The following FAM171B variants were observed in gnomAD, a reference collection of about 807,000 sequenced individuals.
FAM171B encodes the protein protein FAM171B.
In FAM171B, 19 loss-of-function variants were observed where a neutral mutation model predicts 75.6. The ratio of observed to expected loss-of-function variants is 0.25; its 90% CI spans 0.18 to 0.37. The LOEUF (loss-of-function observed/expected upper bound fraction) is 0.37. Among genes scored for constraint, FAM171B ranks in the 10% least tolerant of loss-of-function variants. FAM171B has a pLI of 1.00. For missense variants in FAM171B, 848 were observed against 982.4 expected, an observed-to-expected ratio of 0.86 and a Z score of 1.83; for synonymous variants, 367 against 361.7, an observed-to-expected ratio of 1.01 and a Z score of -0.17.
At chr2:186,714,370 A>T (rs1185171058) in intron 1 of FAM171B, among the ~76,000 whole-genome samples, 2 of 152,190 alleles carry the variant, frequency 1.3e-5, no homozygotes, top group African/African-American at 4.8e-5. Context: ...CACAAGTAAA[A>T]CAACACTTTA....
intron 1 of FAM171B, among the ~76,000 whole-genome samples, chr2:186,713,682 A>G (rs1389519908): frequency 6.6e-6 from 1 of 152,220 alleles, no homozygotes; most frequent in Non-Finnish European, 1.5e-5. Flanking sequence ...ATGTTTCTGT[A>G]GTAAGAAGTA....
At chr2:186,745,721 A>C (rs1158046515) in intron 3 of FAM171B, among the ~76,000 whole-genome samples, 1 of 152,196 alleles carries the variant, frequency 6.6e-6, no homozygotes, top group Non-Finnish European at 1.5e-5. Flanking sequence ...AAAATTTAGG[A>C]ATGTACAAAA....
At chr2:186,697,393 G>A (rs1470602) in intron 1 of FAM171B, among the ~76,000 whole-genome samples, 145,008 of 152,036 alleles carry the variant, frequency 0.95, 69,359 homozygotes, top group Middle Eastern at 1. Context: ...GATGCGTGCC[G>A]CTGGGCCCAG....
chr2:186,737,740 C>G (rs1325109321), intron 1 of FAM171B, among the ~76,000 whole-genome samples: 1 of 152,178 alleles, frequency 6.6e-6, no homozygotes, highest in African/African-American at 2.4e-5. Flanking sequence ...CTTCTGCTTT[C>G]CAGACAACAG....
intron 1 of FAM171B, among the ~76,000 whole-genome samples, chr2:186,701,334 T>C (rs1689657658): frequency 6.6e-6 from 1 of 152,236 alleles, no homozygotes; most frequent in South Asian, 2.1e-4. Context: ...CATCCTCTTA[T>C]GTAGTTACCT....
intron 1 of FAM171B, among the ~76,000 whole-genome samples, chr2:186,702,437 C>G (rs1689675763): frequency 6.6e-6 from 1 of 152,154 alleles, no homozygotes; most frequent in East Asian, 1.9e-4. Context: ...GAAAACAGCT[C>G]TGTTTGCTTT....
chr2:186,762,840 G>T lies in FAM171B; in HGVS notation c.*17G>T, dbSNP rs2595381. The T allele has an allele frequency of 1.3e-6, 2 of 1,596,644 alleles. No individual in the cohort carries two copies. The highest frequency in any genetic ancestry group is 8.5e-7 in the Non-Finnish European group (1 of 1,171,274). On this transcript the variant is annotated 3_prime_UTR_variant, in exon 8 of 8. Transcript: ENST00000304698. This position sits in a 1 kb window ranked among gnomAD's most constrained non-coding sequence, Gnocchi z 4.0. The stretch of plus-strand genomic sequence containing the variant: ...ATAAATTAACTCCAATGGGGATTGT[G>T]TGTCTGCTGTCTCGTGCTGTTTATT...
chr2:186,735,296 A>G (rs1007571188), intron 1 of FAM171B, among the ~76,000 whole-genome samples: 4 of 152,322 alleles, frequency 2.6e-5, no homozygotes, highest in African/African-American at 7.2e-5. Flanking sequence ...ATAGGGAGTC[A>G]AAGCTGTCCT....
chr2:186,758,139 G>A lies in FAM171B; in HGVS notation c.1013-2974G>A, dbSNP rs866747055. Reference sequence around the variant, plus strand: ...GTATAGCGAAAACTGAGTGCTTATCGTGAGCCAAGGACTGGTGTCAGTGTT... The same window carrying A: ...GTATAGCGAAAACTGAGTGCTTATCATGAGCCAAGGACTGGTGTCAGTGTT... On this transcript the variant is annotated intron_variant, in intron 6 of 7. Transcript: ENST00000304698. Among the ~76,000 whole-genome samples, 4 of 50,554 alleles carry A rather than the reference G, an allele frequency of 7.9e-5. No individual in the cohort carries two copies. The Admixed American group carries it at 8.0e-4, about 10-fold the overall frequency. 33.2% of individuals were successfully genotyped at this position (50,554 alleles called of 152,430 possible).
chr2:186,725,140 T>G (rs1017046890), intron 1 of FAM171B, among the ~76,000 whole-genome samples: 4 of 151,992 alleles, frequency 2.6e-5, no homozygotes, highest in Non-Finnish European at 5.9e-5. Flanking sequence ...GTCAGGAGAT[T>G]GAGACCATCT....
intron 1 of FAM171B, among the ~76,000 whole-genome samples, chr2:186,728,031 G>A (rs1690060879): frequency 6.6e-6 from 1 of 151,982 alleles, no homozygotes; most frequent in Non-Finnish European, 1.5e-5. Flanking sequence ...GCAGAAGCCT[G>A]GTATCTTTTG....
intron 1 of FAM171B, among the ~76,000 whole-genome samples, chr2:186,730,542 A>G (rs1439556005): frequency 6.6e-6 from 1 of 152,224 alleles, no homozygotes; most frequent in Non-Finnish European, 1.5e-5. Context: ...CACTAAGTCT[A>G]CTAAGCACTT....
At chr2:186,695,732 G>T (rs986146574) in intron 1 of FAM171B, among the ~76,000 whole-genome samples, 10 of 152,166 alleles carry the variant, frequency 6.6e-5, no homozygotes, top group Non-Finnish European at 1.2e-4. Flanking sequence ...GTCTTGAAAG[G>T]TATACAGTGT....
intron 1 of FAM171B, among the ~76,000 whole-genome samples, chr2:186,720,513 T>C (rs930913697): frequency 2.0e-5 from 3 of 152,192 alleles, no homozygotes; most frequent in Non-Finnish European, 4.4e-5. Flanking sequence ...ACCGTGCTTA[T>C]ACAAATGTAG....
intron 1 of FAM171B, among the ~76,000 whole-genome samples, chr2:186,731,213 T>C (rs1690108523): frequency 6.6e-6 from 1 of 152,312 alleles, no homozygotes; most frequent in South Asian, 2.1e-4. Context: ...TTAATGTGCT[T>C]ACTTAAGGAG....
In FAM171B at chr2:186,694,071, G is replaced by T; in HGVS notation, c.-103G>T. On this transcript the variant is annotated 5_prime_UTR_variant, in exon 1 of 8. Coordinates refer to ENST00000304698, the MANE Select transcript of FAM171B (RefSeq NM_177454.4). The stretch of plus-strand genomic sequence containing the variant: ...TGAGGGAGTGCTTGGCAGATTGCGC[G>T]AGGGGGAGCGAGCGAGCGGGCGCTG... 7.3e-7 allele frequency: 1 copy of T among 1,361,772 alleles called. No individual in the cohort carries two copies. Among genetic ancestry groups the T allele is most frequent in the Non-Finnish European group, 9.4e-7 (1 of 1,058,534 alleles). 84.4% of individuals were successfully genotyped at this position (1,361,772 alleles called of 1,614,324 possible). A position where few individuals can be genotyped will look rare whatever the true frequency, so the allele number is the denominator to read the frequency against.
Position 186,751,308 on chromosome 2 carries a change from T to C in FAM171B, c.895+4T>C, listed in dbSNP as rs1262667319. On this transcript the variant is annotated splice_donor_region_variant and intron_variant, in intron 5 of 7. Transcript: ENST00000304698. Reference sequence around the variant, plus strand: ...TGGACATTTGATATGAACACAGGTATGTGAGCTAGGTTAAAATAGTCTGAA... The same window carrying C: ...TGGACATTTGATATGAACACAGGTACGTGAGCTAGGTTAAAATAGTCTGAA... The C allele has an allele frequency of 6.4e-7, 1 of 1,551,746 alleles. No individual in the cohort carries two copies.
intron 1 of FAM171B, among the ~76,000 whole-genome samples, chr2:186,715,492 C>T (rs1689863147): frequency 6.6e-6 from 1 of 152,120 alleles, no homozygotes; most frequent in Non-Finnish European, 1.5e-5. Context: ...CATGAGCCAC[C>T]ACACCTAGCT....
At chr2:186,726,307 A>G (rs1690032192) in intron 1 of FAM171B, among the ~76,000 whole-genome samples, 1 of 152,140 alleles carries the variant, frequency 6.6e-6, no homozygotes, top group Admixed American at 6.5e-5. Flanking sequence ...CCTCAAAGCC[A>G]ATAAGAGTTT....
Sources: gnomAD v4.1 joint callset for allele counts (sites outside exome capture counted in the v4.1 genomes callset) on GRCh38, gnomAD v4.1.1 for gene constraint, Gnocchi (gnomAD v3.1) non-coding constraint, MANE v1.5 for transcripts, NCBI Gene and HGNC (gene_info 2026-07-23, HGNC 2026-07-21) for gene names.